The following SHANK2 variants were observed in gnomAD, a reference collection of about 807,000 sequenced individuals.
SHANK2 encodes the protein SH3 and multiple ankyrin repeat domains 2, also known as SH3 and multiple ankyrin repeat domains protein 2.
SHANK2 carries 43 observed loss-of-function variants against 133.7 expected under a neutral mutation model. The ratio of observed to expected loss-of-function variants is 0.32; its 90% CI spans 0.25 to 0.41. The LOEUF (loss-of-function observed/expected upper bound fraction) is 0.41, where lower values mean the gene tolerates loss of function less well. SHANK2 is among the 10% of genes least tolerant of loss of function. SHANK2 has a pLI of 1.00. For missense variants in SHANK2, 1,994 were observed against 2,235.8 expected (o/e 0.89, Z 2.18); for synonymous variants, 1,017 against 952.8 (o/e 1.07, Z -1.24).
chr11:70,598,525 C>A (rs569705192), intron 17 of SHANK2, among the ~76,000 whole-genome samples: 5 of 152,300 alleles, frequency 3.3e-5, no homozygotes, highest in Non-Finnish European at 7.3e-5. Context: ...CTAACCCGAA[C>A]AATGTCTTCT....
At chr11:71,166,777 C>T (rs1349469836) in intron 2 of SHANK2, among the ~76,000 whole-genome samples, 67 of 151,504 alleles carry the variant, frequency 4.4e-4, no homozygotes, top group South Asian at 1.3e-3. Flanking sequence ...GCCACCACAC[C>T]GGGCCCACAC....
chr11:70,718,172 G>A lies in SHANK2; in HGVS notation c.1778-19409C>T, dbSNP rs74847289. On this transcript the variant is annotated intron_variant, in intron 14 of 25. Coordinates refer to ENST00000601538, the MANE Select transcript of SHANK2 (RefSeq NM_012309.5). The stretch of plus-strand genomic sequence containing the variant: ...GCAGGGAGAGGCAGTGATTCAACCC[G>A]GCTATTAGGATGGGCCGGAGGTGTC... 3.3e-3 allele frequency among the ~76,000 whole-genome samples: 499 copies of A among 152,294 alleles called. 16 individuals are homozygous for A. In the East Asian group the frequency reaches 0.066, roughly 20 times the overall value.
intron 3 of SHANK2, among the ~76,000 whole-genome samples, chr11:71,121,872 G>A (rs1311310421): frequency 4.6e-5 from 7 of 152,186 alleles, no homozygotes; most frequent in Non-Finnish European, 1.0e-4. Context: ...AGACATTTAT[G>A]CAGCCAACAG....
At chr11:70,933,788 C>A (rs888693939) in intron 10 of SHANK2, among the ~76,000 whole-genome samples, 1 of 151,518 alleles carries the variant, frequency 6.6e-6, no homozygotes, top group Non-Finnish European at 1.5e-5. Flanking sequence ...GGCATGGTGG[C>A]GCACACCTAT....
intron 17 of SHANK2, among the ~76,000 whole-genome samples, chr11:70,629,990 A>T (rs1050126349): frequency 1.1e-4 from 17 of 152,212 alleles, no homozygotes; most frequent in East Asian, 7.7e-4. Context: ...CAGGGTGCTT[A>T]TCAATGAGAC....
intron 14 of SHANK2, among the ~76,000 whole-genome samples, chr11:70,771,816 A>C (rs1320158540): frequency 6.6e-6 from 1 of 152,208 alleles, no homozygotes; most frequent in Non-Finnish European, 1.5e-5. Context: ...TCCTGGAGCC[A>C]AATCCCCGTT....
chr11:70,708,559 G>C (rs982513557), intron 14 of SHANK2, among the ~76,000 whole-genome samples: 1 of 152,208 alleles, frequency 6.6e-6, no homozygotes. Context: ...GCACTGAACA[G>C]GCAGGGGTCA....
At position 70,590,188 on chromosome 11, in the gene SHANK2, G is replaced by C. The variant is rs530525709; in HGVS notation, c.2061+69640C>G. Among the ~76,000 whole-genome samples the C allele has an allele frequency of 8.3e-4, 126 of 152,170 alleles. No homozygotes were observed. The Middle Eastern group carries it at 0.01, about 12-fold the overall frequency. ...ACAAACAAACAAACAAACAAAAACAGAAGTGGAGCTGAAGATGGGACTTAA... is the reference window on the plus strand; with the variant it reads ...ACAAACAAACAAACAAACAAAAACACAAGTGGAGCTGAAGATGGGACTTAA... On this transcript the variant is annotated intron_variant, in intron 17 of 25. Transcript: ENST00000601538.
intron 14 of SHANK2, among the ~76,000 whole-genome samples, chr11:70,769,613 G>A (rs782119978): frequency 6.6e-6 from 1 of 152,222 alleles, no homozygotes; most frequent in Non-Finnish European, 1.5e-5. Context: ...TGGCATGTGC[G>A]TGCATGCACA....
chr11:70,666,389 C>T (rs1181363394), intron 15 of SHANK2, among the ~76,000 whole-genome samples: 1 of 152,212 alleles, frequency 6.6e-6, no homozygotes, highest in East Asian at 1.9e-4. Context: ...TGCAATCAGA[C>T]AGGGGGGTCT....
chr11:70,616,711 T>C (rs782317076), intron 17 of SHANK2, among the ~76,000 whole-genome samples: 14 of 151,746 alleles, frequency 9.2e-5, no homozygotes, highest in Non-Finnish European at 1.8e-4. Context: ...GGCTGCTGGG[T>C]GAAGGCTGGG....
chr11:70,758,080 C>T (rs1299404713), intron 14 of SHANK2, among the ~76,000 whole-genome samples: 1 of 152,120 alleles, frequency 6.6e-6, no homozygotes, highest in Non-Finnish European at 1.5e-5. Flanking sequence ...GACACCCAAC[C>T]AATCAGATAG....
At chr11:70,573,101 A>G (rs1477320885) in intron 17 of SHANK2, among the ~76,000 whole-genome samples, 1 of 152,124 alleles carries the variant, frequency 6.6e-6, no homozygotes, top group Non-Finnish European at 1.5e-5. Flanking sequence ...ACGCCTCAGA[A>G]TAATCACACT....
chr11:70,829,871 C>T (rs1212878563), intron 11 of SHANK2, among the ~76,000 whole-genome samples: 1 of 152,204 alleles, frequency 6.6e-6, no homozygotes, highest in Admixed American at 6.5e-5. Flanking sequence ...TCTGGTCAAC[C>T]CCACAGAAAT....
At chr11:70,573,063 C>T (rs1013567967) in intron 17 of SHANK2, among the ~76,000 whole-genome samples, 3 of 152,096 alleles carry the variant, frequency 2.0e-5, no homozygotes, top group Non-Finnish European at 4.4e-5. Flanking sequence ...CACTCGGCAA[C>T]GCGAAGGAAC....
intron 1 of SHANK2, among the ~76,000 whole-genome samples, chr11:71,233,037 C>T (rs1453017720): frequency 6.6e-6 from 1 of 152,080 alleles, no homozygotes; most frequent in Non-Finnish European, 1.5e-5. Context: ...GTAGGCCAGC[C>T]ACAGTGACTC....
chr11:70,953,863 C>A (rs1414018169), intron 10 of SHANK2, among the ~76,000 whole-genome samples: 1 of 152,176 alleles, frequency 6.6e-6, no homozygotes, highest in Non-Finnish European at 1.5e-5. Flanking sequence ...CCAGTTCCCA[C>A]TGAGAGCTGG....
Position 70,804,335 on chromosome 11 carries a change from C to G in SHANK2, c.1663+2667G>C, listed in dbSNP as rs540993017. On this transcript the variant is annotated intron_variant, in intron 13 of 25. Coordinates refer to ENST00000601538, the MANE Select transcript of SHANK2 (RefSeq NM_012309.5). This position sits in a 1 kb window ranked among gnomAD's most constrained non-coding sequence, Gnocchi z 4.1. ...CGATGGGGAGGAGGCACCGACAGCT[C>G]GGCAGGAAGGAAGAGCGGTGCCACT... is the stretch of plus-strand genomic sequence containing the variant. 6.6e-6 allele frequency among the ~76,000 whole-genome samples: 1 copy of G among 152,216 alleles called. No individual in the cohort carries two copies. The highest frequency in any genetic ancestry group is 1.5e-5 in the Non-Finnish European group (1 of 68,036).
intron 11 of SHANK2, among the ~76,000 whole-genome samples, chr11:70,855,740 G>T (rs1204119602): frequency 6.6e-6 from 1 of 152,168 alleles, no homozygotes. Flanking sequence ...AGGAAGGAAA[G>T]AAAAAAGAAA....
Sources: gnomAD v4.1 joint callset for allele counts (sites outside exome capture counted in the v4.1 genomes callset) on GRCh38, gnomAD v4.1.1 for gene constraint, Gnocchi (gnomAD v3.1) non-coding constraint, MANE v1.5 for transcripts, NCBI Gene and HGNC (gene_info 2026-07-23, HGNC 2026-07-21) for gene names.